GNAL: variants seen among roughly 807,000 people sequenced by gnomAD.
GNAL encodes the protein G protein subunit alpha L.
A neutral mutation model predicts 55.1 loss-of-function variants in GNAL; 18 were observed. That is an observed-to-expected ratio of 0.33 (90% confidence interval 0.23 to 0.48). The LOEUF (loss-of-function observed/expected upper bound fraction) is 0.48, where lower values mean the gene tolerates loss of function less well. Among genes scored for constraint, GNAL ranks in the 20% least tolerant of loss-of-function variants. The pLI is 0.99. For missense variants in GNAL, 412 were observed against 614.1 expected, an observed-to-expected ratio of 0.67 and a Z score of 3.48; for synonymous variants, 253 against 237.0, an observed-to-expected ratio of 1.07 and a Z score of -0.62.
At chr18:11,861,355 C>T (rs961431081) in intron 5 of GNAL, among the ~76,000 whole-genome samples, 1 of 152,120 alleles carries the variant, frequency 6.6e-6, no homozygotes, top group Admixed American at 6.5e-5. Flanking sequence ...TTGTTGGTCC[C>T]CGAGGGACCC....
intron 1 of GNAL, among the ~76,000 whole-genome samples, chr18:11,708,194 C>T (rs971302739): frequency 1.2e-4 from 18 of 152,282 alleles, no homozygotes; most frequent in African/African-American, 4.1e-4. Context: ...TTTGACATGC[C>T]TTCCTCAGTA....
intron 4 of GNAL, among the ~76,000 whole-genome samples, chr18:11,754,991 A>AGTGTGT (rs1170620927): frequency 2.7e-5 from 3 of 112,900 alleles, no homozygotes; most frequent in South Asian, 7.0e-4. Flanking sequence ...ACCAGAAGTG[A>AGTGTGT]GTGTGTATGT....
chr18:11,780,792 T>G (rs1156962896), intron 4 of GNAL, among the ~76,000 whole-genome samples: 1 of 152,218 alleles, frequency 6.6e-6, no homozygotes, highest in African/African-American at 2.4e-5. Context: ...TGAATTATTA[T>G]TGTTATTACT....
intron 4 of GNAL, among the ~76,000 whole-genome samples, chr18:11,804,038 G>A (rs2034593469): frequency 6.7e-6 from 1 of 149,156 alleles, no homozygotes; most frequent in African/African-American, 2.5e-5. Flanking sequence ...ACTGTGTAGT[G>A]GTGAAGTACA....
In GNAL at chr18:11,745,683, C is replaced by T. The variant is rs148475526; in HGVS notation, c.377-7170C>T. On this transcript the variant is annotated intron_variant, in intron 1 of 11. Coordinates refer to ENST00000334049, the MANE Select transcript of GNAL (RefSeq NM_182978.4). ...ACTGCCTTTCTGTTCACACGCATTT[C>T]GTTTTGAGAATGCCAATGGACACAC... The T allele has an allele frequency of 3.2e-4, 50 of 157,482 alleles. No homozygotes were observed. In the East Asian group the frequency reaches 3.8e-3, roughly 12 times the overall value. 9.8% of individuals were successfully genotyped at this position (157,482 alleles called of 1,614,324 possible).
At chr18:11,790,322 G>A (rs7230040) in intron 4 of GNAL, among the ~76,000 whole-genome samples, 1 of 151,428 alleles carries the variant, frequency 6.6e-6, no homozygotes, top group East Asian at 1.9e-4. Context: ...CCCAGCTTCC[G>A]ACACTCTGAG....
Position 11,884,200 on chromosome 18 carries a change from T to TTGA in GNAL, c.*3070_*3072dup, listed in dbSNP as rs2036839989. On this transcript the variant is annotated 3_prime_UTR_variant, in exon 12 of 12. Transcript: ENST00000334049. ...TTTACATACTGTACAGATGCAACCTTTGATGATACATATATTTGATAAAAA... is the reference window on the plus strand; with the variant it reads ...TTTACATACTGTACAGATGCAACCTTTGATGATGATACATATATTTGATAAAAA... The TTGA allele has an allele frequency of 4.2e-6, 2 of 478,596 alleles. No individual in the cohort carries two copies. Among genetic ancestry groups the TTGA allele is most frequent in the Non-Finnish European group, 7.6e-6 (2 of 262,904 alleles). 29.6% of individuals were successfully genotyped at this position (478,596 alleles called of 1,614,324 possible).
At chr18:11,732,784 C>T (rs1406461135) in intron 1 of GNAL, among the ~76,000 whole-genome samples, 1 of 152,122 alleles carries the variant, frequency 6.6e-6, no homozygotes, top group Non-Finnish European at 1.5e-5. Context: ...ATTGTTTTGT[C>T]AATGTAAATG....
chr18:11,818,493 C>A (rs1197552622), intron 4 of GNAL, among the ~76,000 whole-genome samples: 1 of 152,174 alleles, frequency 6.6e-6, no homozygotes, highest in Admixed American at 6.5e-5. Flanking sequence ...TCACTAGGTT[C>A]CCGTAAAAGG....
At chr18:11,777,459 A>G (rs2033815539) in intron 4 of GNAL, among the ~76,000 whole-genome samples, 1 of 152,232 alleles carries the variant, frequency 6.6e-6, no homozygotes, top group East Asian at 1.9e-4. Context: ...GAATACAGCA[A>G]TACATGCTAC....
intron 1 of GNAL, among the ~76,000 whole-genome samples, chr18:11,716,440 T>C (rs576338169): frequency 3.3e-5 from 5 of 152,288 alleles, no homozygotes; most frequent in Admixed American, 2.6e-4. Flanking sequence ...CAAGATTTAT[T>C]GCAAAGAGTG....
In GNAL at chr18:11,851,442, ACTTAC is replaced by A. The variant is rs537776428; in HGVS notation, c.723-10944_723-10940del. On this transcript the variant is annotated intron_variant, in intron 5 of 11. Coordinates refer to ENST00000334049, the MANE Select transcript of GNAL (RefSeq NM_182978.4). ...ACAAAGGAGCGGCGGCCGGGAGCGG[ACTTAC>A]CTTACCTTCTCTGCCTTCGGCGCGC... 4.5e-4 allele frequency: 650 copies of A among 1,456,684 alleles called. 7 individuals carry two copies. The South Asian group carries it at 8.6e-3, about 19-fold the overall frequency. 90.2% of individuals were successfully genotyped at this position (1,456,684 alleles called of 1,614,324 possible).
intron 4 of GNAL, among the ~76,000 whole-genome samples, chr18:11,800,692 C>T (rs1184325550): frequency 6.6e-6 from 1 of 152,156 alleles, no homozygotes. Context: ...AGGGGCCAGG[C>T]GGCCTCTGGG....
At chr18:11,798,756 A>G (rs2034449802) in intron 4 of GNAL, among the ~76,000 whole-genome samples, 1 of 152,202 alleles carries the variant, frequency 6.6e-6, no homozygotes, top group Non-Finnish European at 1.5e-5. Context: ...TTTATATTAT[A>G]AAGTAGGATG....
rs1032625784 is a variant in GNAL, at chr18:11,689,600, G to T, written c.37G>T (p.Gly13Trp). 1.6e-5 allele frequency: 21 copies of T among 1,334,646 alleles called. No individual in the cohort carries two copies. The highest frequency in any genetic ancestry group is 1.8e-5 in the Non-Finnish European group (19 of 1,052,750). 82.7% of individuals were successfully genotyped at this position (1,334,646 alleles called of 1,614,324 possible). A position where few individuals can be genotyped will look rare whatever the true frequency, so the allele number is the denominator to read the frequency against. ...CTACAGTCTGCGGCCGCTGCTTTTC[G>T]GGGGCCCAGGGGACGACCCCTGCGC... is the stretch of plus-strand genomic sequence containing the variant. ...LCYSLRPLLF[G>W]GPGDDPCAAS... The change falls in exon 1 of 12, where the codon GGG becomes TGG. Residue 13 changes from glycine (G) to tryptophan (W), a missense_variant. By Grantham distance (184) the Gly-to-Trp change is radical. Around this residue, in one of 5 missense-constraint regions of GNAL, gnomAD observed 228 missense variants for 194.8 expected, o/e 1.17. Coordinates refer to ENST00000334049, the MANE Select transcript of GNAL (RefSeq NM_182978.4).
chr18:11,768,365 C>A (rs892129490), intron 4 of GNAL, among the ~76,000 whole-genome samples: 1 of 152,186 alleles, frequency 6.6e-6, no homozygotes, highest in Non-Finnish European at 1.5e-5. Context: ...CTTTCAGAGG[C>A]TGAGGCAGGA....
intron 1 of GNAL, among the ~76,000 whole-genome samples, chr18:11,734,148 C>CT (rs545091797): frequency 0.029 from 3,962 of 137,154 alleles, 54 homozygotes; most frequent in East Asian, 0.066. Context: ...TTTTCTTTTT[C>CT]TTTTTTTTTT....
chr18:11,844,852 AT>A (rs2035696661), intron 5 of GNAL, among the ~76,000 whole-genome samples: 1 of 151,928 alleles, frequency 6.6e-6, no homozygotes. Context: ...TTATTTATTT[AT>A]TTTTTGATTT....
rs566040883 is a variant in GNAL at position 11,798,387 on chromosome 18, GA to G, written c.625-26530del. On this transcript the variant is annotated intron_variant, in intron 4 of 11. Transcript: ENST00000334049. ...TGTAGTTAATGGCAGTATGTCACCA[GA>G]GTGCCTCTTTTCCTATCGAACAAAC... Among the ~76,000 whole-genome samples the G allele has an allele frequency of 3.7e-3, 559 of 152,310 alleles. 3 individuals are homozygous for G. Among genetic ancestry groups the G allele is most frequent in the Middle Eastern group, 0.017 (5 of 294 alleles).
Sources: gnomAD v4.1 joint callset for allele counts (sites outside exome capture counted in the v4.1 genomes callset) on GRCh38, gnomAD v4.1.1 for gene constraint, gnomAD v4.1.1 regional missense constraint, MANE v1.5 for transcripts, NCBI Gene and HGNC (gene_info 2026-07-23, HGNC 2026-07-21) for gene names.